Variants in MAG observed in about 807,000 individuals in gnomAD.
MAG encodes myelin associated glycoprotein.
MAG carries 30 observed loss-of-function variants against 60.7 expected under a neutral mutation model. The ratio of observed to expected loss-of-function variants is 0.49; its 90% CI spans 0.37 to 0.67. The LOEUF (loss-of-function observed/expected upper bound fraction) is 0.67. Among genes scored for constraint, MAG ranks in the 30% least tolerant of loss-of-function variants. MAG has a pLI of 0.00. For synonymous variants in MAG, 384 were observed against 376.8 expected, an observed-to-expected ratio of 1.02 and a Z score of -0.22; for missense variants, 795 against 851.7, an observed-to-expected ratio of 0.93 and a Z score of 0.83.
intron 7 of MAG, among the ~76,000 whole-genome samples, chr19:35,303,131 C>G (rs977328964): frequency 6.6e-6 from 1 of 152,110 alleles, no homozygotes; most frequent in African/African-American, 2.4e-5. Context: ...GCCATGTTGG[C>G]CTGGCTTGTC....
chr19:35,311,161 A>G (rs886158726), intron 9 of MAG, among the ~76,000 whole-genome samples: 2 of 152,180 alleles, frequency 1.3e-5, no homozygotes, highest in Admixed American at 6.5e-5. Context: ...GCAAGACCAC[A>G]TCTCTAAAAA....
intron 8 of MAG, 60 bp from the exon 9 acceptor site, chr19:35,310,487 C>T: frequency 7.0e-7 from 1 of 1,430,604 alleles, no homozygotes; most frequent in Non-Finnish European, 9.9e-7. Context: ...CTCCAAAGTT[C>T]TCAGGTGTCG....
At position 35,295,163 on chromosome 19, in the gene MAG, C is replaced by G. The variant is rs1190629156; in HGVS notation, c.-23-223C>G. 6.6e-6 allele frequency among the ~76,000 whole-genome samples: 1 copy of G among 152,142 alleles called. No individual in the cohort carries two copies. Among genetic ancestry groups the G allele is most frequent in the African/African-American group, 2.4e-5 (1 of 41,420 alleles). ...ACCAGAAGCTGAGACAAGAGGATAA[C>G]ACGAGCTCAGGATTTTGAGGCTATA... On this transcript the variant is annotated intron_variant, in intron 2 of 10. Transcript: ENST00000392213. This position sits in a 1 kb window ranked among gnomAD's most constrained non-coding sequence, Gnocchi z 5.8.
chr19:35,312,221 G>A, intron 10 of MAG: 1 of 1,506,892 alleles, frequency 6.6e-7, no homozygotes, highest in East Asian at 2.3e-5. Context: ...TGGGACGTGG[G>A]GCCTAAGGGC....
Position 35,292,492 on chromosome 19 carries a change from C to T in MAG, c.-80+288C>T, listed in dbSNP as rs1465206162. Among the ~76,000 whole-genome samples the T allele has an allele frequency of 2.6e-5, 4 of 151,952 alleles. No individual in the cohort carries two copies. The East Asian group carries it at 5.8e-4, about 22-fold the overall frequency. The stretch of plus-strand genomic sequence containing the variant: ...GCAGGAGAGGTTTCCTTGGGGTTCC[C>T]GAGTGCGGGGCAGATGGGGTGGAGG... On this transcript the variant is annotated intron_variant, in intron 1 of 10. Coordinates refer to ENST00000392213, the MANE Select transcript of MAG (RefSeq NM_002361.4).
chr19:35,304,548 A>T lies in MAG; in HGVS notation c.1231+1840A>T, dbSNP rs534021665. 4.2e-3 allele frequency among the ~76,000 whole-genome samples: 632 copies of T among 148,868 alleles called. 1 individual carries two copies. The highest frequency in any genetic ancestry group is 0.011 in the East Asian group (57 of 5,112). On this transcript the variant is annotated intron_variant, in intron 7 of 10. Transcript: ENST00000392213. ...AGTTCTTATTTTTATTATTATTATT[A>T]TTTTTTTTTTGAGACTGAGTCTCGC...
Position 35,312,123 on chromosome 19 carries a change from C to T in MAG, c.1716+106C>T, listed in dbSNP as rs897636067. On this transcript the variant is annotated intron_variant, in intron 10 of 10. Transcript: ENST00000392213. ...GGGCAGGGGAGTGGGAGCGGCCTCT[C>T]ACAGGAGGAGAGGAAGGACATTCCA... 1.1e-5 allele frequency: 14 copies of T among 1,293,564 alleles called. No homozygotes were observed. In the East Asian group the frequency reaches 3.2e-4, roughly 30 times the overall value. The allele number at this position is 1,293,564 out of a possible 1,614,324, so 80.1% of individuals were successfully genotyped here. A position where few individuals can be genotyped will look rare whatever the true frequency, so the allele number is the denominator to read the frequency against.
At chr19:35,299,043 C>CCACACACA (rs112793426) in intron 4 of MAG, among the ~76,000 whole-genome samples, 44 of 149,140 alleles carry the variant, frequency 3.0e-4, no homozygotes, top group South Asian at 1.1e-3. Flanking sequence ...CACACCCACA[C>CCACACACA]CACACACACA....
chr19:35,303,083 C>T (rs2066460754), intron 7 of MAG, among the ~76,000 whole-genome samples: 1 of 152,130 alleles, frequency 6.6e-6, no homozygotes, highest in Admixed American at 6.5e-5. Context: ...GCCACCACAC[C>T]TGGCAAATTT....
intron 8 of MAG, 24 bp from the exon 9 acceptor site, chr19:35,310,523 C>T (rs757044952): frequency 9.4e-6 from 15 of 1,603,690 alleles, no homozygotes; most frequent in South Asian, 3.3e-5. Flanking sequence ...GCCCTAAGGG[C>T]GCCTGGGTCT....
At chr19:35,313,227 T>C (rs1489559550) in intron 10 of MAG, 63 bp from the exon 11 acceptor site, 15 of 1,527,582 alleles carry the variant, frequency 9.8e-6, no homozygotes, top group Non-Finnish European at 1.2e-5. Context: ...GCAAACGCTC[T>C]GTCCTCTGCA....
chr19:35,312,903 T>C (rs1599661265), intron 10 of MAG, among the ~76,000 whole-genome samples: 1 of 152,122 alleles, frequency 6.6e-6, no homozygotes, highest in Non-Finnish European at 1.5e-5. Flanking sequence ...GCCAGGCGTG[T>C]TGGCAGGTGC....
In MAG at chr19:35,295,989, C is replaced by T. The variant is rs1414662485; in HGVS notation, c.415+8C>T. ...GCGTCCTGGATATCGTCAGTGAGTC[C>T]CCAGCGGTTGTGCAGGCACCGGGAG... On this transcript the variant is annotated splice_region_variant and intron_variant, in intron 4 of 10. Transcript: ENST00000392213. The surrounding 1 kb of genome is among the most constrained non-coding windows in gnomAD (Gnocchi z 5.8). The T allele has an allele frequency of 6.4e-7, 1 of 1,557,630 alleles. No individual in the cohort carries two copies.
At position 35,295,778 on chromosome 19, in the gene MAG, C is replaced by CG; in HGVS notation, c.214dup (p.Val72GlyfsTer100). 6.2e-7 allele frequency: 1 copy of CG among 1,613,984 alleles called. No individual in the cohort carries two copies. The highest frequency in any genetic ancestry group is 8.5e-7 in the Non-Finnish European group (1 of 1,180,018). ...AGCCCCTACCCCAAGAACTACCCCC[C>CG]GGTGGTCTTCAAGTCGCGCACCCAA... On this transcript the variant is annotated frameshift_variant, in exon 4 of 11. Transcript: ENST00000392213. LOFTEE classifies it high-confidence loss of function. The surrounding 1 kb of genome is among the most constrained non-coding windows in gnomAD (Gnocchi z 5.8).
chr19:35,300,051 G>A, intron 5 of MAG, 96 bp from the exon 6 acceptor site: 3 of 1,410,986 alleles, frequency 2.1e-6, no homozygotes, highest in Non-Finnish European at 2.8e-6. Context: ...CTGAGGGCGG[G>A]GCCGGACAGT....
At chr19:35,303,821 C>G (rs1052319374) in intron 7 of MAG, among the ~76,000 whole-genome samples, 1 of 152,038 alleles carries the variant, frequency 6.6e-6, no homozygotes, top group Non-Finnish European at 1.5e-5. Flanking sequence ...ACAGCCATCA[C>G]TCCAGGTTGT....
intron 7 of MAG, among the ~76,000 whole-genome samples, chr19:35,308,839 G>C (rs114401203): frequency 9.2e-5 from 14 of 151,940 alleles, no homozygotes; most frequent in Non-Finnish European, 1.5e-4. Context: ...ATGTGGCTGG[G>C]CGCAGTGGCT....
chr19:35,306,350 T>C (rs2066485734), intron 7 of MAG, among the ~76,000 whole-genome samples: 1 of 152,204 alleles, frequency 6.6e-6, no homozygotes, highest in Non-Finnish European at 1.5e-5. Flanking sequence ...GTTTTGCTGC[T>C]GAGGTTTTGC....
intron 5 of MAG, 22 bp downstream of exon 5, chr19:35,299,872 G>A: frequency 6.8e-6 from 6 of 880,258 alleles, no homozygotes; most frequent in Non-Finnish European, 9.4e-6. Flanking sequence ...TGCGGGCGGG[G>A]CGGGGTGGGG....
Sources: allele counts gnomAD v4.1 joint callset (sites outside exome capture counted in the v4.1 genomes callset), GRCh38; gene constraint gnomAD v4.1.1; non-coding constraint Gnocchi (gnomAD v3.1); transcripts MANE v1.5; gene names NCBI Gene and HGNC (gene_info 2026-07-23, HGNC 2026-07-21).